TRMT10B: variants seen among roughly 807,000 people sequenced by gnomAD.
TRMT10B encodes the protein tRNA methyltransferase 10 homolog B.
Under a neutral mutation model 43.8 loss-of-function variants are expected in TRMT10B, and 33 were observed. The observed-to-expected ratio is 0.75, with a 90% CI of 0.57 to 1.01. The LOEUF is 1.01. Ranked by LOEUF, TRMT10B falls within the 50% of genes least tolerant of loss-of-function variation. The pLI, the probability that TRMT10B is intolerant of heterozygous loss-of-function variation, is 0.00. For synonymous variants in TRMT10B, 137 were observed against 130.6 expected, an observed-to-expected ratio of 1.05 and a Z score of -0.34; for missense variants, 362 against 369.8, an observed-to-expected ratio of 0.98 and a Z score of 0.17.
At chr9:37,767,649 T>C (rs1311721702) in intron 4 of TRMT10B, 1 of 152,806 alleles carries the variant, frequency 6.5e-6, no homozygotes, top group Non-Finnish European at 1.5e-5. Context: ...TTGTCTGTGA[T>C]TCAGGGTAAA....
At chr9:37,752,969 C>G (rs186996030), upstream of TRMT10B, among the ~76,000 whole-genome samples, 9 of 152,192 alleles carry the variant, frequency 5.9e-5, no homozygotes, top group Non-Finnish European at 8.8e-5. Flanking sequence ...TTGTTGCTTG[C>G]TAACCCTTTG....
rs1589055959 is a variant in TRMT10B, at chr9:37,778,750, A to G, written c.*1043A>G. ...GCTTTGCAGGATCCAGCCTGTTCTG[A>G]CCTATCCCTACTGAGTCCCCATAGC... On this transcript the variant is annotated 3_prime_UTR_variant, in exon 9 of 9. Coordinates refer to ENST00000297994, the MANE Select transcript of TRMT10B (RefSeq NM_144964.4). 1 of 152,242 alleles carries G rather than the reference A, an allele frequency of 6.6e-6. No homozygotes were observed. Among genetic ancestry groups the G allele is most frequent in the Non-Finnish European group, 1.5e-5 (1 of 68,024 alleles). 9.4% of individuals were successfully genotyped at this position (152,242 alleles called of 1,614,324 possible). A position where few individuals can be genotyped will look rare whatever the true frequency, so the allele number is the denominator to read the frequency against.
intron 1 of TRMT10B, among the ~76,000 whole-genome samples, chr9:37,755,116 A>G (rs1268254220): frequency 1.3e-5 from 2 of 152,048 alleles, no homozygotes; most frequent in Non-Finnish European, 2.9e-5. Flanking sequence ...TAAAAATACA[A>G]AAAAATCTAG....
At chr9:37,776,013 C>T (rs1176413089) in intron 7 of TRMT10B, among the ~76,000 whole-genome samples, 1 of 152,200 alleles carries the variant, frequency 6.6e-6, no homozygotes, top group East Asian at 1.9e-4. Flanking sequence ...ATTGATTAGA[C>T]TGCTTGGGCC....
intron 8 of TRMT10B, among the ~76,000 whole-genome samples, 198 bp from the exon 9 acceptor site, chr9:37,777,403 T>C (rs1026932232): frequency 1.3e-5 from 2 of 150,634 alleles, no homozygotes; most frequent in African/African-American, 2.5e-5. Context: ...TATCCATTCA[T>C]AGGCCTGTAT....
chr9:37,762,553 AT>A, intron 2 of TRMT10B, 23 bp from the exon 3 acceptor site: 2 of 1,560,166 alleles, frequency 1.3e-6, no homozygotes, highest in Non-Finnish European at 1.7e-6. Flanking sequence ...TTCTCAAACA[AT>A]TTTGTTTTCT....
chr9:37,776,284 G>A lies in TRMT10B; in HGVS notation c.723G>A (p.Lys241=). 1 of 1,533,622 alleles carries A rather than the reference G, an allele frequency of 6.5e-7. No homozygotes were observed. The highest frequency in any genetic ancestry group is 2.2e-5 in the Admixed American group (1 of 44,840). The part of the protein sequence containing the change: ...GGLVDESIQK[K]VTFQKAREYS... ...AATATTTAACTATATATTTACAGAAGGTGACATTTCAAAAGGCCCGGGAAT... is the reference window on the plus strand; with the variant it reads ...AATATTTAACTATATATTTACAGAAAGTGACATTTCAAAAGGCCCGGGAAT... The change falls in exon 8 of 9, where the codon AAG becomes AAA. Residue 241 remains lysine, a splice_region_variant and synonymous_variant. Coordinates refer to ENST00000297994, the MANE Select transcript of TRMT10B (RefSeq NM_144964.4).
intron 8 of TRMT10B, among the ~76,000 whole-genome samples, chr9:37,776,970 G>A (rs1229423187): frequency 6.6e-6 from 1 of 151,300 alleles, no homozygotes; most frequent in East Asian, 1.9e-4. Context: ...GAGGTGGGCA[G>A]ATCACCTGAG....
chr9:37,765,153 G>T (rs1419206942), intron 4 of TRMT10B, among the ~76,000 whole-genome samples: 1 of 152,128 alleles, frequency 6.6e-6, no homozygotes, highest in African/African-American at 2.4e-5. Context: ...CAACGTGCAG[G>T]TTTGTTACAT....
intron 7 of TRMT10B, among the ~76,000 whole-genome samples, chr9:37,773,956 TAA>T (rs544100530): frequency 1.3e-4 from 16 of 127,666 alleles, no homozygotes; most frequent in African/African-American, 2.7e-4. Context: ...ACCCTGTCTC[TAA>T]AAAAAAAAAA....
rs551248574 is a variant in TRMT10B, at chr9:37,768,129, A to G, written c.474A>G (p.Lys158=). The change falls in exon 5 of 9, where the codon AAA becomes AAG. Residue 158 remains lysine (K), a synonymous_variant. Coordinates refer to ENST00000297994, the MANE Select transcript of TRMT10B (RefSeq NM_144964.4). ...GAAGGTTGTATGGTTCAAACAAAAA[A>G]GCTGACAGGCCATTTTGGATCTGCC... ...QIRRLYGSNK[K]ADRPFWICLT... is the part of the protein sequence containing the mutation. The G allele has an allele frequency of 7.4e-6, 12 of 1,614,116 alleles. No homozygotes were observed. Among genetic ancestry groups the G allele is most frequent in the Admixed American group, 1.7e-5 (1 of 60,002 alleles).
chr9:37,758,103 A>C (rs949729538), intron 1 of TRMT10B, among the ~76,000 whole-genome samples: 1 of 152,200 alleles, frequency 6.6e-6, no homozygotes, highest in African/African-American at 2.4e-5. Flanking sequence ...AATAATATTT[A>C]TGGAGTTATA....
chr9:37,778,621 T>C lies in TRMT10B; in HGVS notation c.*914T>C, dbSNP rs1828430952. The C allele has an allele frequency of 6.6e-6, 1 of 152,210 alleles. No individual in the cohort carries two copies. The highest frequency in any genetic ancestry group is 2.1e-4 in the South Asian group (1 of 4,828). 9.4% of individuals were successfully genotyped at this position (152,210 alleles called of 1,614,324 possible). ...GAGAGACCTCTTGAAATTGTTTAAA[T>C]GGTTACATCAAGAGTTTAATATTCA... On this transcript the variant is annotated 3_prime_UTR_variant, in exon 9 of 9. Coordinates refer to ENST00000297994, the MANE Select transcript of TRMT10B (RefSeq NM_144964.4).
chr9:37,762,657 A>C lies in TRMT10B; in HGVS notation c.267A>C (p.Arg89=), dbSNP rs1826483602. 2 of 1,591,206 alleles carry C rather than the reference A, an allele frequency of 1.3e-6. No individual in the cohort carries two copies. The change falls in exon 3 of 9, where the codon CGA becomes CGC. Residue 89 remains arginine, a synonymous_variant. Coordinates refer to ENST00000297994, the MANE Select transcript of TRMT10B (RefSeq NM_144964.4). ...GCAAAAGAAAGCAAGAAAAAGAACGAAGAAAAGCCAATCGTGCAGAAAATC... is the reference window on the plus strand; with the variant it reads ...GCAAAAGAAAGCAAGAAAAAGAACGCAGAAAAGCCAATCGTGCAGAAAATC... The part of the protein sequence containing the change: ...KKSKRKQEKE[R]RKANRAENPG...
intron 1 of TRMT10B, among the ~76,000 whole-genome samples, chr9:37,756,759 T>C (rs1039999100): frequency 2.0e-5 from 3 of 151,752 alleles, no homozygotes; most frequent in African/African-American, 7.3e-5. Flanking sequence ...CACACATATA[T>C]ATATACACAT....
rs1438755948 is a variant in TRMT10B, at chr9:37,768,104, G to A, written c.449G>A (p.Arg150Gln). The change falls in exon 5 of 9, where the codon CGA becomes CAA. Residue 150 changes from arginine (R) to glutamine (Q), a missense_variant. Arg to Gln is a conservative substitution (Grantham distance 43). Coordinates refer to ENST00000297994, the MANE Select transcript of TRMT10B (RefSeq NM_144964.4). ...TTAAGTAGACTGGCTGGACAGATTC[G>A]AAGGTTGTATGGTTCAAACAAAAAA... is the stretch of plus-strand genomic sequence containing the variant. ...KELSRLAGQIRRLYGSNKKAD... is the reference protein window; with the variant it reads ...KELSRLAGQIQRLYGSNKKAD... 3.7e-6 allele frequency: 6 copies of A among 1,614,026 alleles called. No individual in the cohort carries two copies. The highest frequency in any genetic ancestry group is 1.6e-4 in the Middle Eastern group (1 of 6,062).
At chr9:37,770,985 T>C (rs549477351) in intron 7 of TRMT10B, among the ~76,000 whole-genome samples, 1 of 152,258 alleles carries the variant, frequency 6.6e-6, no homozygotes, top group African/African-American at 2.4e-5. Context: ...CATTGTTGAG[T>C]TTCTCTCTTC....
At chr9:37,768,622 CCT>C (rs1237672216) in intron 5 of TRMT10B, among the ~76,000 whole-genome samples, 2 of 152,186 alleles carry the variant, frequency 1.3e-5, no homozygotes, top group Non-Finnish European at 2.9e-5. Flanking sequence ...GTACTTTTCA[CCT>C]CTCTCTAGGA....
At chr9:37,775,280 C>G (rs778595575) in intron 7 of TRMT10B, among the ~76,000 whole-genome samples, 1 of 152,110 alleles carries the variant, frequency 6.6e-6, no homozygotes, top group African/African-American at 2.4e-5. Flanking sequence ...CTATTGAGAC[C>G]CCTTCCAAGC....
Sources: allele counts gnomAD v4.1 joint callset (sites outside exome capture counted in the v4.1 genomes callset), GRCh38; gene constraint gnomAD v4.1.1; transcripts MANE v1.5; gene names NCBI Gene and HGNC (gene_info 2026-07-23, HGNC 2026-07-21).